The following BCAS3 variants were observed in gnomAD, a reference collection of about 807,000 sequenced individuals.
BCAS3 encodes the protein BCAS3 microtubule associated cell migration factor, also known as BCAS4/BCAS3 fusion.
Under a neutral mutation model 116.1 loss-of-function variants are expected in BCAS3, and 53 were observed. That is an observed-to-expected ratio of 0.46 (90% CI 0.37 to 0.57). BCAS3 has a LOEUF of 0.57. Among genes scored for constraint, BCAS3 ranks in the 20% least tolerant of loss-of-function variants. The pLI is 0.00. For synonymous variants in BCAS3, 391 were observed against 408.2 expected (o/e 0.96, Z 0.51); for missense variants, 917 against 1,165.4 (o/e 0.79, Z 3.10).
intron 15 of BCAS3, among the ~76,000 whole-genome samples, chr17:60,998,685 T>G (rs1232177431): frequency 6.6e-6 from 1 of 152,082 alleles, no homozygotes; most frequent in Non-Finnish European, 1.5e-5. Flanking sequence ...GGTCATTTGT[T>G]TTTTGCTTGC....
chr17:60,868,719 A>G (rs1381291053), intron 8 of BCAS3, 36 bp downstream of exon 8: 1 of 1,313,924 alleles, frequency 7.6e-7, no homozygotes, highest in South Asian at 1.3e-5. Context: ...GTGTAAAATA[A>G]GAAACATGCT....
chr17:61,000,653 C>T (rs189557740), intron 15 of BCAS3, among the ~76,000 whole-genome samples: 33 of 152,128 alleles, frequency 2.2e-4, no homozygotes, highest in African/African-American at 7.7e-4. Flanking sequence ...TATTTTGGTA[C>T]AGTACCTGTT....
chr17:60,807,938 G>A (rs9904053), intron 6 of BCAS3, 66 bp from the exon 7 acceptor site: 125,997 of 1,146,090 alleles, frequency 0.11, 9,010 homozygotes, highest in African/African-American at 0.32. Flanking sequence ...TTGAAAGCAT[G>A]AAAATAGTGG....
intron 19 of BCAS3, among the ~76,000 whole-genome samples, chr17:61,046,068 T>TA (rs1226875384): frequency 7.0e-5 from 2 of 28,602 alleles, no homozygotes; most frequent in Non-Finnish European, 1.0e-4. Context: ...TATATATATA[T>TA]AATATATATA....
chr17:60,851,446 C>A (rs1260159520), intron 7 of BCAS3: 1 of 475,796 alleles, frequency 2.1e-6, no homozygotes, highest in Non-Finnish European at 4.2e-6. Context: ...AGGAGATCGC[C>A]GCGGTTGTCA....
chr17:60,915,975 G>A (rs1228025647), intron 12 of BCAS3, among the ~76,000 whole-genome samples: 2 of 152,190 alleles, frequency 1.3e-5, no homozygotes, highest in Admixed American at 6.5e-5. Context: ...GAGCCACCGC[G>A]CCCAGCTGTA....
chr17:60,708,913 C>G (rs1381483194), intron 4 of BCAS3, among the ~76,000 whole-genome samples: 2 of 152,104 alleles, frequency 1.3e-5, no homozygotes, highest in Non-Finnish European at 2.9e-5. Context: ...TCTACTTCGT[C>G]CTCTCAAAAT....
chr17:60,991,950 C>T (rs1369512759), intron 15 of BCAS3, among the ~76,000 whole-genome samples: 2 of 152,096 alleles, frequency 1.3e-5, no homozygotes, highest in African/African-American at 4.8e-5. Flanking sequence ...TAACACTTCA[C>T]TCCTTTTTAT....
At chr17:61,334,969 ACTGAACCTGACTGAGGTC>A (rs2056607183) in intron 22 of BCAS3, among the ~76,000 whole-genome samples, 1 of 152,162 alleles carries the variant, frequency 6.6e-6, no homozygotes, top group African/African-American at 2.4e-5. Context: ...CTGCCTGAGG[ACTGAACCTGACTGAGGTC>A]CTGAACCTGA....
At position 61,244,971 on chromosome 17, in the gene BCAS3, T is replaced by TG. The variant is rs1393674133; in HGVS notation, c.2426-123354dup. ...ATTTCATTATTCATCTTTCTAAATG[T>TG]GGTGTAATAGACTATAATTTTAGTA... On this transcript the variant is annotated intron_variant, in intron 22 of 23. Transcript: ENST00000407086. The surrounding 1 kb of genome is among the most constrained non-coding windows in gnomAD (Gnocchi z 4.9). 8.5e-5 allele frequency among the ~76,000 whole-genome samples: 13 copies of TG among 152,208 alleles called. No homozygotes were observed. Among genetic ancestry groups the TG allele is most frequent in the Admixed American group, 8.5e-4 (13 of 15,274 alleles).
At chr17:60,946,212 T>C (rs1384512490) in intron 13 of BCAS3, among the ~76,000 whole-genome samples, 1 of 152,250 alleles carries the variant, frequency 6.6e-6, no homozygotes, top group Non-Finnish European at 1.5e-5. Flanking sequence ...AAGAAGTCTT[T>C]CTGGAACAAT....
At chr17:60,865,591 T>A (rs932939079) in intron 7 of BCAS3, among the ~76,000 whole-genome samples, 4 of 152,218 alleles carry the variant, frequency 2.6e-5, no homozygotes, top group Non-Finnish European at 5.9e-5. Context: ...ACAAACATGA[T>A]TGTGTATGTA....
At chr17:60,708,324 CAA>C (rs1211925653) in intron 4 of BCAS3, among the ~76,000 whole-genome samples, 7,252 of 75,570 alleles carry the variant, frequency 0.096, 501 homozygotes, top group African/African-American at 0.21. Flanking sequence ...GATTCTGTCT[CAA>C]AAAAAAAAAA....
At position 60,902,700 on chromosome 17, in the gene BCAS3, T is replaced by C. The variant is rs1421635747; in HGVS notation, c.819T>C (p.Ala273=). Residue 273 remains alanine (A), a synonymous_variant, in exon 11 of 24, where the codon GCT becomes GCC. Transcript: ENST00000407086. ...ATACTGCCACAGTCATTAGTGCTGCTAAAGTGAGTACCTCCGAAATCTTGG... is the reference window on the plus strand; with the variant it reads ...ATACTGCCACAGTCATTAGTGCTGCCAAAGTGAGTACCTCCGAAATCTTGG... ...QSYTATVISA[A]KTLKSGLTMV... 6.2e-7 allele frequency: 1 copy of C among 1,602,684 alleles called. No individual in the cohort carries two copies. The highest frequency in any genetic ancestry group is 8.6e-7 in the Non-Finnish European group (1 of 1,169,552).
chr17:61,063,757 G>A lies in BCAS3; in HGVS notation c.2030-11163G>A, dbSNP rs530847803. On this transcript the variant is annotated intron_variant, in intron 19 of 23. Transcript: ENST00000407086. The surrounding 1 kb of genome is among the most constrained non-coding windows in gnomAD (Gnocchi z 5.3). ...AGTGGAACCAATTGAGATATCTTTG[G>A]CACTGGCTGTAGTTTCTGCTGTTAA... 1.5e-4 allele frequency among the ~76,000 whole-genome samples: 23 copies of A among 152,194 alleles called. No homozygotes were observed. The South Asian group carries it at 4.4e-3, about 29-fold the overall frequency.
intron 7 of BCAS3, among the ~76,000 whole-genome samples, chr17:60,833,048 T>C (rs1256217310): frequency 6.6e-6 from 1 of 152,166 alleles, no homozygotes; most frequent in African/African-American, 2.4e-5. Context: ...TTTTAAAAAA[T>C]AGAGATAGGG....
chr17:61,291,600 T>C (rs540217456), intron 22 of BCAS3, among the ~76,000 whole-genome samples: 1 of 152,350 alleles, frequency 6.6e-6, no homozygotes, highest in South Asian at 2.1e-4. Context: ...AAGTCACAGC[T>C]TTTTATTCTG....
rs112952670 is a variant in BCAS3 at position 61,085,471 on chromosome 17, G to A, written c.2425+907G>A. ...ACAAACACAAAACTGATTTGTGAAGGTCACTTTAAAAAGACCAAAGTTTCT... is the reference window on the plus strand; with the variant it reads ...ACAAACACAAAACTGATTTGTGAAGATCACTTTAAAAAGACCAAAGTTTCT... On this transcript the variant is annotated intron_variant, in intron 22 of 23. Transcript: ENST00000407086. Among the ~76,000 whole-genome samples the A allele has an allele frequency of 1.4e-3, 215 of 152,260 alleles. 1 individual carries two copies. Among genetic ancestry groups the A allele is most frequent in the African/African-American group, 4.4e-3 (184 of 41,552 alleles).
At chr17:60,798,725 C>T (rs371764142) in intron 6 of BCAS3, among the ~76,000 whole-genome samples, 74 of 152,304 alleles carry the variant, frequency 4.9e-4, no homozygotes, top group African/African-American at 1.7e-3. Context: ...CAGCATTGTA[C>T]GGTAAGAGTA....
Sources: allele counts gnomAD v4.1 joint callset (sites outside exome capture counted in the v4.1 genomes callset), GRCh38; gene constraint gnomAD v4.1.1; non-coding constraint Gnocchi (gnomAD v3.1); transcripts MANE v1.5; gene names NCBI Gene and HGNC (gene_info 2026-07-23, HGNC 2026-07-21).